Variants in DAAM2 observed in about 807,000 individuals in gnomAD.
DAAM2 encodes dishevelled associated activator of morphogenesis 2.
In DAAM2, 39 loss-of-function variants were observed where a neutral mutation model predicts 120.7. The observed-to-expected ratio is 0.32, with a 90% CI of 0.25 to 0.42. DAAM2 has a LOEUF of 0.42. Ranked by LOEUF, DAAM2 falls within the 10% of genes least tolerant of loss-of-function variation. DAAM2 has a pLI of 1.00. For synonymous variants in DAAM2, 488 were observed against 524.9 expected (o/e 0.93, Z 0.96); for missense variants, 1,283 against 1,401.7 (o/e 0.92, Z 1.35).
At chr6:39,815,902 G>C (rs1407687645) in intron 1 of DAAM2, among the ~76,000 whole-genome samples, 1 of 152,294 alleles carries the variant, frequency 6.6e-6, no homozygotes, top group Non-Finnish European at 1.5e-5. Flanking sequence ...GAGTAATTCA[G>C]CTGTCTTTAC....
intron 15 of DAAM2, chr6:39,886,450 GA>G (rs1765384144): frequency 5.0e-6 from 2 of 399,272 alleles, no homozygotes; most frequent in Non-Finnish European, 8.8e-6. Context: ...CTCAGCAGGT[GA>G]GTTACTCTCG....
intron 1 of DAAM2, chr6:39,848,910 G>C (rs1395588567): frequency 1.3e-5 from 2 of 152,166 alleles, no homozygotes; most frequent in Admixed American, 1.3e-4. Context: ...AAGAGAAGAT[G>C]AAAGTTTGAG....
intron 1 of DAAM2, among the ~76,000 whole-genome samples, chr6:39,825,247 A>G (rs1477787750): frequency 6.6e-6 from 1 of 151,886 alleles, no homozygotes; most frequent in Non-Finnish European, 1.5e-5. Flanking sequence ...AAAATTAGCC[A>G]GGCATGGTGG....
intron 19 of DAAM2, 39 bp from the exon 20 acceptor site, chr6:39,896,773 T>A: frequency 6.6e-7 from 1 of 1,513,492 alleles, no homozygotes; most frequent in Non-Finnish European, 8.8e-7. Context: ...CTGCCCTGCC[T>A]AGCCCATGCA....
At chr6:39,799,361 C>T (rs2651317) in intron 1 of DAAM2, among the ~76,000 whole-genome samples, 73,903 of 152,018 alleles carry the variant, frequency 0.49, 18,546 homozygotes, top group Admixed American at 0.53. Flanking sequence ...TTGGCTCTTT[C>T]GTTAGCACCG....
Position 39,879,296 on chromosome 6 carries a change from C to A in DAAM2, c.1664C>A (p.Pro555His). The change falls in exon 14 of 25, where the codon CCC becomes CAC. Residue 555 changes from proline to histidine, a missense_variant. Pro to His is a moderately conservative substitution (Grantham distance 77). This residue lies in a region of DAAM2 where 748 missense variants were observed against 768.6 expected (regional missense o/e 0.97). Coordinates refer to ENST00000274867, the MANE Select transcript of DAAM2 (RefSeq NM_001201427.2). ...PPLPFACCPPPPPPPLPPGGP... is the reference protein window; with the variant it reads ...PPLPFACCPPHPPPPLPPGGP... The stretch of plus-strand genomic sequence containing the variant: ...CTGCCCTTTGCCTGTTGTCCCCCTC[C>A]CCCACCACCACCCCTTCCTCCCGGG... 1.4e-6 allele frequency: 2 copies of A among 1,468,274 alleles called. No homozygotes were observed. The highest frequency in any genetic ancestry group is 1.9e-6 in the Non-Finnish European group (2 of 1,066,798). 91.0% of individuals were successfully genotyped at this position (1,468,274 alleles called of 1,614,324 possible).
At chr6:39,875,688 C>T (rs541021899) in intron 11 of DAAM2, among the ~76,000 whole-genome samples, 6 of 152,320 alleles carry the variant, frequency 3.9e-5, no homozygotes, top group East Asian at 1.9e-4. Context: ...ACTTGACACA[C>T]GGCTAGTATG....
intron 21 of DAAM2, 135 bp downstream of exon 21, chr6:39,897,417 A>T (rs1766173821): frequency 3.2e-6 from 2 of 621,832 alleles, no homozygotes; most frequent in Non-Finnish European, 5.7e-6. Flanking sequence ...AGTTCAAAAG[A>T]ATTTAAACAG....
At chr6:39,839,684 G>A (rs559649870) in intron 1 of DAAM2, among the ~76,000 whole-genome samples, 1 of 152,326 alleles carries the variant, frequency 6.6e-6, no homozygotes, top group African/African-American at 2.4e-5. Flanking sequence ...AGCATGTGCA[G>A]GCTCACAGAG....
chr6:39,825,495 T>G, intron 1 of DAAM2, among the ~76,000 whole-genome samples: 1 of 151,476 alleles, frequency 6.6e-6, no homozygotes, highest in Non-Finnish European at 1.5e-5. Flanking sequence ...CATACTCCTG[T>G]AAAGTAGCCC....
intron 1 of DAAM2, among the ~76,000 whole-genome samples, chr6:39,802,309 T>C (rs1428296416): frequency 1.3e-5 from 2 of 152,250 alleles, no homozygotes; most frequent in African/African-American, 4.8e-5. Flanking sequence ...TGGATTCAGA[T>C]GGCCTGGATT....
chr6:39,799,860 A>G (rs1178115808), intron 1 of DAAM2, among the ~76,000 whole-genome samples: 2 of 152,218 alleles, frequency 1.3e-5, no homozygotes, highest in African/African-American at 2.4e-5. Flanking sequence ...CTAGTAATAT[A>G]TCCTGCTGTA....
At chr6:39,883,088 G>A (rs1765203701) in intron 14 of DAAM2, among the ~76,000 whole-genome samples, 1 of 152,132 alleles carries the variant, frequency 6.6e-6, no homozygotes, top group Admixed American at 6.5e-5. Flanking sequence ...TCTAGATGAG[G>A]TGGGGATTCC....
chr6:39,865,125 C>T, intron 5 of DAAM2, 51 bp downstream of exon 5: 1 of 1,113,532 alleles, frequency 9.0e-7, no homozygotes, highest in Non-Finnish European at 1.3e-6. Flanking sequence ...CACAGTTGGT[C>T]TCCTTGCCTT....
Position 39,878,660 on chromosome 6 carries a change from G to A in DAAM2, c.1545+72G>A. 1 of 1,473,900 alleles carries A rather than the reference G, an allele frequency of 6.8e-7. No individual in the cohort carries two copies. The highest frequency in any genetic ancestry group is 9.1e-7 in the Non-Finnish European group (1 of 1,095,524). The allele number at this position is 1,473,900 out of a possible 1,614,324, so 91.3% of individuals were successfully genotyped here. A position where few individuals can be genotyped will look rare whatever the true frequency, so the allele number is the denominator to read the frequency against. On this transcript the variant is annotated intron_variant, in intron 13 of 24. Transcript: ENST00000274867. The surrounding 1 kb of genome is among the most constrained non-coding windows in gnomAD (Gnocchi z 5.0). ...CTTCAGGACTGGGTGGGCAGAGCAG[G>A]TGTCGGAGAGGCCAAGGACCCCAGC...
chr6:39,838,839 A>C (rs1298349905), intron 1 of DAAM2, among the ~76,000 whole-genome samples: 1 of 152,048 alleles, frequency 6.6e-6, no homozygotes, highest in Non-Finnish European at 1.5e-5. Flanking sequence ...TTGTATTTTT[A>C]GTAGAGACAG....
chr6:39,811,196 TG>T (rs1762150806), intron 1 of DAAM2, among the ~76,000 whole-genome samples: 1 of 151,666 alleles, frequency 6.6e-6, no homozygotes, highest in Admixed American at 6.6e-5. Flanking sequence ...TGTGTGTGTG[TG>T]TGTGTGTGTG....
chr6:39,833,419 C>T (rs1297755083), intron 1 of DAAM2, among the ~76,000 whole-genome samples: 1 of 152,094 alleles, frequency 6.6e-6, no homozygotes, highest in Non-Finnish European at 1.5e-5. Flanking sequence ...ATTCTTCTGC[C>T]TCAGCCTCCC....
chr6:39,795,250 G>A (rs2113976957), intron 1 of DAAM2, among the ~76,000 whole-genome samples: 1 of 152,292 alleles, frequency 6.6e-6, no homozygotes, highest in African/African-American at 2.4e-5. Flanking sequence ...AAACACAGCT[G>A]GCAGAAAGAA....
Sources: allele counts gnomAD v4.1 joint callset (sites outside exome capture counted in the v4.1 genomes callset), GRCh38; gene constraint gnomAD v4.1.1; regional missense constraint gnomAD v4.1.1; non-coding constraint Gnocchi (gnomAD v3.1); transcripts MANE v1.5; gene names NCBI Gene and HGNC (gene_info 2026-07-23, HGNC 2026-07-21).